Variants in PRKCQ observed in about 807,000 individuals in gnomAD.
PRKCQ encodes the protein protein kinase C theta type.
In PRKCQ, 41 loss-of-function variants were observed where a neutral mutation model predicts 91.2. That is an observed-to-expected ratio of 0.45 (90% confidence interval 0.35 to 0.58). The LOEUF is 0.58. Ranked by LOEUF, PRKCQ falls within the 20% of genes least tolerant of loss-of-function variation. PRKCQ has a pLI of 0.00. For synonymous variants in PRKCQ, 307 were observed against 316.9 expected, an observed-to-expected ratio of 0.97 and a Z score of 0.33; for missense variants, 673 against 896.5, an observed-to-expected ratio of 0.75 and a Z score of 3.18.
At chr10:6,466,358 G>T (rs2130719579) in intron 12 of PRKCQ, among the ~76,000 whole-genome samples, 1 of 152,302 alleles carries the variant, frequency 6.6e-6, no homozygotes, top group Middle Eastern at 3.4e-3. Context: ...GAGCATTGGG[G>T]GGGTTGAATT....
intron 1 of PRKCQ, among the ~76,000 whole-genome samples, chr10:6,550,781 C>T (rs897571027): frequency 2.0e-5 from 3 of 152,140 alleles, no homozygotes; most frequent in African/African-American, 7.2e-5. Flanking sequence ...TTTGAGGAAC[C>T]ACCGTACTGA....
At chr10:6,532,563 C>T (rs1180671834) in intron 1 of PRKCQ, among the ~76,000 whole-genome samples, 1 of 152,074 alleles carries the variant, frequency 6.6e-6, no homozygotes, top group African/African-American at 2.4e-5. Context: ...TACAGTCATC[C>T]CACCCCGACT....
intron 8 of PRKCQ, among the ~76,000 whole-genome samples, chr10:6,487,456 C>A (rs1836990928): frequency 6.6e-6 from 1 of 152,152 alleles, no homozygotes; most frequent in African/African-American, 2.4e-5. Context: ...TTGGGCAAGT[C>A]ATGAACGCTC....
chr10:6,473,265 C>CT (rs373519084), intron 12 of PRKCQ, among the ~76,000 whole-genome samples: 30 of 152,212 alleles, frequency 2.0e-4, no homozygotes, highest in African/African-American at 7.2e-4. Context: ...AAGTTCCCTC[C>CT]TTTACAACTC....
chr10:6,459,225 G>A (rs546119212), intron 14 of PRKCQ, among the ~76,000 whole-genome samples: 2 of 152,136 alleles, frequency 1.3e-5, no homozygotes, highest in East Asian at 3.9e-4. Context: ...TTTCCTTTCA[G>A]CTCTTGCACT....
At position 6,448,180 on chromosome 10, in the gene PRKCQ, G is replaced by C. The variant is rs751638226; in HGVS notation, c.1648-6099C>G. ...TCGTTTATTCAGGAAGGAGCTGAGG[G>C]CTGCTGCTCCAGCCTGTGAGTGGAT... On this transcript the variant is annotated intron_variant, in intron 15 of 17. Coordinates refer to ENST00000263125, the MANE Select transcript of PRKCQ (RefSeq NM_006257.5). Among the ~76,000 whole-genome samples the C allele has an allele frequency of 2.8e-4, 42 of 152,184 alleles. 1 individual carries two copies. The highest frequency in any genetic ancestry group is 5.9e-4 in the Non-Finnish European group (40 of 68,032).
chr10:6,570,235 C>A (rs1588435474), intron 1 of PRKCQ, among the ~76,000 whole-genome samples: 1 of 151,936 alleles, frequency 6.6e-6, no homozygotes, highest in Non-Finnish European at 1.5e-5. Flanking sequence ...AGAGGCAAGG[C>A]CAGGCATCTG....
At chr10:6,412,262 G>T in the PRKCQ span, among the ~76,000 whole-genome samples, 1 of 152,188 alleles carries the variant, frequency 6.6e-6, no homozygotes, top group African/African-American at 2.4e-5. Flanking sequence ...AGACTCTAAA[G>T]TCATATTTGG....
intron 1 of PRKCQ, among the ~76,000 whole-genome samples, chr10:6,534,296 T>A (rs756835040): frequency 1.8e-4 from 27 of 152,294 alleles, no homozygotes; most frequent in Non-Finnish European, 2.6e-4. Context: ...AGAAAATAAT[T>A]ATTCTGTGAT....
In PRKCQ at chr10:6,486,082, G is replaced by A; in HGVS notation, c.853C>T (p.Gln285Ter). The A allele has an allele frequency of 6.2e-7, 1 of 1,614,130 alleles. No individual in the cohort carries two copies. The highest frequency in any genetic ancestry group is 8.5e-7 in the Non-Finnish European group (1 of 1,180,042). ...GCCAGCGCTTCAGCCATTAGCTTCT[G>A]GTTTATGCCACAAAGGTTGGCCACC... The part of the protein sequence containing the change: ...TKVANLCGIN[Q>*]KLMAEALAMI... The change falls in exon 9 of 18, where the codon CAG (glutamine) becomes TAG (stop). Residue 285 changes from glutamine (Q) to a stop codon, truncating the protein, a stop_gained. Transcript: ENST00000263125. LOFTEE classifies it high-confidence loss of function.
At chr10:6,489,310 C>T in intron 8 of PRKCQ, 1 of 473,048 alleles carries the variant, frequency 2.1e-6, no homozygotes, top group Non-Finnish European at 4.4e-6. Flanking sequence ...AAACTGTAGC[C>T]ACATCTAGGC....
intron 15 of PRKCQ, among the ~76,000 whole-genome samples, chr10:6,455,331 A>G (rs1834947693): frequency 6.6e-6 from 1 of 152,238 alleles, no homozygotes; most frequent in African/African-American, 2.4e-5. Flanking sequence ...AAGTTATTTA[A>G]TCAATAAGCC....
At chr10:6,436,288 G>T (rs1833690681) in intron 16 of PRKCQ, among the ~76,000 whole-genome samples, 1 of 152,146 alleles carries the variant, frequency 6.6e-6, no homozygotes, top group Non-Finnish European at 1.5e-5. Flanking sequence ...AAGGCATTTA[G>T]CCTTAGATTT....
the PRKCQ span, among the ~76,000 whole-genome samples, chr10:6,416,233 G>GT: frequency 0.72 from 104,940 of 145,686 alleles, 37,573 homozygotes; most frequent in East Asian, 0.93. Context: ...TATTTCAATA[G>GT]TTTTTTTGGG....
At chr10:6,528,548 G>C (rs1419781516) in intron 1 of PRKCQ, among the ~76,000 whole-genome samples, 1 of 152,102 alleles carries the variant, frequency 6.6e-6, no homozygotes, top group South Asian at 2.1e-4. Flanking sequence ...ATAACTGGTG[G>C]ACATGCTTCT....
chr10:6,453,004 T>C (rs1306490552), intron 15 of PRKCQ, among the ~76,000 whole-genome samples: 3 of 151,690 alleles, frequency 2.0e-5, no homozygotes, highest in Middle Eastern at 3.2e-3. Flanking sequence ...ATTCAGGACA[T>C]AGGCATGGGC....
At chr10:6,418,151 G>A in the PRKCQ span, among the ~76,000 whole-genome samples, 4 of 152,298 alleles carry the variant, frequency 2.6e-5, no homozygotes, top group South Asian at 2.1e-4. Context: ...AATTCATTAC[G>A]TGTTGCTGTT....
intron 12 of PRKCQ, among the ~76,000 whole-genome samples, chr10:6,473,038 T>A (rs1378844991): frequency 6.6e-6 from 1 of 152,166 alleles, no homozygotes; most frequent in Non-Finnish European, 1.5e-5. Flanking sequence ...AATTAATGAA[T>A]CTTGTTAAAG....
Position 6,459,452 on chromosome 10 carries a change from G to A in PRKCQ, c.1509-2640C>T, listed in dbSNP as rs72781738. ...AGAGCACACATGGTCTGTGATATCA[G>A]CTGTATGGGTGGAATGGTGGCCCCC... On this transcript the variant is annotated intron_variant, in intron 14 of 17. Transcript: ENST00000263125. Among the ~76,000 whole-genome samples the A allele has an allele frequency of 5.9e-3, 893 of 152,264 alleles. 4 individuals are homozygous for A. The highest frequency in any genetic ancestry group is 0.011 in the South Asian group (52 of 4,818).
Sources: allele counts gnomAD v4.1 joint callset (sites outside exome capture counted in the v4.1 genomes callset), GRCh38; gene constraint gnomAD v4.1.1; transcripts MANE v1.5; gene names NCBI Gene and HGNC (gene_info 2026-07-23, HGNC 2026-07-21).